The following RNF123 variants were observed in gnomAD, a reference collection of about 807,000 sequenced individuals.
RNF123 encodes ring finger protein 123.
In RNF123, 86 loss-of-function variants were observed where a neutral mutation model predicts 168.5. The ratio of observed to expected loss-of-function variants is 0.51; its 90% CI spans 0.43 to 0.61. The LOEUF (loss-of-function observed/expected upper bound fraction) is 0.61. RNF123 is among the 20% of genes least tolerant of loss of function. The probability of loss-of-function intolerance (pLI) is 0.00; values close to 1 mark genes in which losing one functional copy is unlikely to be tolerated. For synonymous variants in RNF123, 666 were observed against 689.1 expected, an observed-to-expected ratio of 0.97 and a Z score of 0.52; for missense variants, 1,419 against 1,729.7, an observed-to-expected ratio of 0.82 and a Z score of 3.19.
At position 49,702,141 on chromosome 3, in the gene RNF123, T is replaced by C. The variant is rs1464479048; in HGVS notation, c.1554T>C (p.Asn518=). 22 of 1,613,652 alleles carry C rather than the reference T, an allele frequency of 1.4e-5. No individual in the cohort carries two copies. Among genetic ancestry groups the C allele is most frequent in the Non-Finnish European group, 1.8e-5 (21 of 1,179,856 alleles). The change falls in exon 18 of 39, where the codon AAT becomes AAC. Residue 518 remains asparagine, a synonymous_variant. Transcript: ENST00000327697. ...TGCTGCTGGACAATAAAGATGACAA[T>C]GGGGTGAGTGACTCCCAGGAGCCCT... is the stretch of plus-strand genomic sequence containing the variant. ...LKLLLDNKDD[N]GGEASRYIFL...
At position 49,698,505 on chromosome 3, in the gene RNF123, G is replaced by A. The variant is rs1229455380; in HGVS notation, c.549G>A (p.Val183=). 4 of 1,613,900 alleles carry A rather than the reference G, an allele frequency of 2.5e-6. No individual in the cohort carries two copies. In the Admixed American group the frequency reaches 6.7e-5, roughly 27 times the overall value. ...GCAACCGCGTGCGCAAGTGGAATGT[G>A]ACCACAACGAATTATGGCAAGGTGA... ...YDGNRVRKWN[V]TTTNYGKAWA... Residue 183 remains valine (V), a synonymous_variant, in exon 8 of 39, where the codon GTG becomes GTA. Transcript: ENST00000327697.
rs1394296772 is a variant in RNF123, at chr3:49,703,661, A to G, written c.1852+133A>G. 33 of 652,634 alleles carry G rather than the reference A, an allele frequency of 5.1e-5. 1 individual carries two copies. In the East Asian group the frequency reaches 9.0e-4, roughly 18 times the overall value. The allele number at this position is 652,634 out of a possible 1,614,324, so 40.4% of individuals were successfully genotyped here. ...CCCAAGTCTTTCCACCCACTCAGGC[A>G]GGGAGACACTGATCTGCCTGCCCTA... On this transcript the variant is annotated intron_variant, in intron 21 of 38. Coordinates refer to ENST00000327697, the MANE Select transcript of RNF123 (RefSeq NM_022064.5).
chr3:49,707,792 G>A (rs1452017084), intron 26 of RNF123, among the ~76,000 whole-genome samples: 1 of 151,826 alleles, frequency 6.6e-6, no homozygotes, highest in Non-Finnish European at 1.5e-5. Context: ...CGTGCTTACT[G>A]CCCCATGACG....
chr3:49,702,724 C>G lies in RNF123; in HGVS notation c.1721C>G (p.Ala574Gly). ...CGCTACTATTGGGATGAATACAAGG[C>G]TTCCAATCCTCATGCTTCCTTCAGT... Reference protein sequence around the residue: ...ALRYYWDEYKASNPHASFSEE... With the variant: ...ALRYYWDEYKGSNPHASFSEE... Residue 574 changes from alanine to glycine, a missense_variant, in exon 20 of 39, where the codon GCT becomes GGT. Transcript: ENST00000327697. 2 of 1,614,252 alleles carry G rather than the reference C, an allele frequency of 1.2e-6. No homozygotes were observed. Among genetic ancestry groups the G allele is most frequent in the Non-Finnish European group, 1.7e-6 (2 of 1,180,026 alleles).
chr3:49,696,835 T>TG (rs1229724273), intron 3 of RNF123, among the ~76,000 whole-genome samples: 1 of 149,650 alleles, frequency 6.7e-6, no homozygotes, highest in African/African-American at 2.5e-5. Flanking sequence ...TTAGTAGGGA[T>TG]GGGGTTTCAC....
At chr3:49,705,302 C>A in intron 23 of RNF123, 120 bp downstream of exon 23, 1 of 1,314,492 alleles carries the variant, frequency 7.6e-7, no homozygotes, top group Non-Finnish European at 1.0e-6. Flanking sequence ...TGGCAGCATC[C>A]CAGGAGTGCA....
intron 35 of RNF123, chr3:49,717,911 G>A (rs761757158): frequency 6.3e-7 from 1 of 1,578,686 alleles, no homozygotes; most frequent in Admixed American, 1.7e-5. Context: ...AGGGCGAGCA[G>A]CAAGAGGGTG....
intron 26 of RNF123, among the ~76,000 whole-genome samples, chr3:49,710,551 A>G (rs573837149): frequency 6.6e-6 from 1 of 152,320 alleles, no homozygotes; most frequent in East Asian, 1.9e-4. Flanking sequence ...AAGTGCTGGG[A>G]TTACAGGCTT....
At position 49,705,027 on chromosome 3, in the gene RNF123, C is replaced by G. The variant is rs2054486179; in HGVS notation, c.2003C>G (p.Pro668Arg). 6.2e-7 allele frequency: 1 copy of G among 1,609,794 alleles called. No individual in the cohort carries two copies. The highest frequency in any genetic ancestry group is 8.5e-7 in the Non-Finnish European group (1 of 1,178,832). ...ALAVGGPLPL[P>R]RPGWLSSPTL... ...GCTGTTGGGGGGCCACTGCCCCTGCCCCGGCCCGGCTGGCTCAGTTCTCCA... is the reference window on the plus strand; with the variant it reads ...GCTGTTGGGGGGCCACTGCCCCTGCGCCGGCCCGGCTGGCTCAGTTCTCCA... The change falls in exon 23 of 39, where the codon CCC (proline) becomes CGC (arginine). Residue 668 changes from proline (P) to arginine (R), a missense_variant. Coordinates refer to ENST00000327697, the MANE Select transcript of RNF123 (RefSeq NM_022064.5).
chr3:49,718,334 G>A, intron 35 of RNF123: 3 of 1,613,404 alleles, frequency 1.9e-6, no homozygotes, highest in Non-Finnish European at 2.5e-6. Context: ...AAAGCCTCGG[G>A]CTCTGGGCGC....
intron 35 of RNF123, chr3:49,718,023 A>G: frequency 3.1e-6 from 5 of 1,613,664 alleles, no homozygotes; most frequent in Non-Finnish European, 4.2e-6. Context: ...GCAGGCCTCC[A>G]GGGTTGTAGA....
At position 49,698,124 on chromosome 3, in the gene RNF123, G is replaced by T. The variant is rs538967921; in HGVS notation, c.470G>T (p.Arg157Leu). Reference sequence around the variant, plus strand: ...ATCGGCTGGTGCACCATCAGCTGCCGCTTCAACCAGGAGGTACACGTTGGG... The same window carrying T: ...ATCGGCTGGTGCACCATCAGCTGCCTCTTCAACCAGGAGGTACACGTTGGG... ...MQIGWCTISC[R>L]FNQEEGVGDT... The change falls in exon 7 of 39, where the codon CGC (arginine) becomes CTC (leucine). Residue 157 changes from arginine to leucine, a missense_variant. Coordinates refer to ENST00000327697, the MANE Select transcript of RNF123 (RefSeq NM_022064.5). 3.1e-6 allele frequency: 5 copies of T among 1,613,614 alleles called. No homozygotes were observed. Among genetic ancestry groups the T allele is most frequent in the Non-Finnish European group, 4.2e-6 (5 of 1,179,888 alleles).
At chr3:49,691,635 C>T in intron 3 of RNF123, 126 bp downstream of exon 3, 4 of 843,558 alleles carry the variant, frequency 4.7e-6, no homozygotes, top group South Asian at 4.7e-5. Flanking sequence ...CACTGTGCTC[C>T]TGGCTGCGAG....
At chr3:49,718,936 AG>A (rs1483292202) in intron 35 of RNF123, 1 of 1,613,750 alleles carries the variant, frequency 6.2e-7, no homozygotes, top group Admixed American at 1.7e-5. Context: ...CAGACCGTGC[AG>A]GTGGTCGAAG....
Position 49,699,521 on chromosome 3 carries a change from T to C in RNF123, c.818T>C (p.Val273Ala), listed in dbSNP as rs1050253541. The C allele has an allele frequency of 1.6e-5, 25 of 1,611,814 alleles. No homozygotes were observed. Among genetic ancestry groups the C allele is most frequent in the Non-Finnish European group, 2.1e-5 (25 of 1,179,316 alleles). ...CAGGACCCACCGAGTGCTGACCTGG[T>C]GCGGGCACAGAGGTTGCTGGGCTGC... ...PLQDPPSADL[V>A]RAQRLLGCFR... Residue 273 changes from valine to alanine, a missense_variant, in exon 11 of 39, where the codon GTG (valine) becomes GCG (alanine). This residue lies in a region of RNF123 where 318 missense variants were observed against 446.6 expected (regional missense o/e 0.71). Transcript: ENST00000327697. The surrounding 1 kb of genome is among the most constrained non-coding windows in gnomAD (Gnocchi z 4.8).
At chr3:49,716,579 G>A in intron 35 of RNF123, 102 bp downstream of exon 35, 1 of 1,018,108 alleles carries the variant, frequency 9.8e-7, no homozygotes, top group South Asian at 1.4e-5. Flanking sequence ...TCTGGAAAAT[G>A]GACCTCAGCA....
At chr3:49,711,624 A>C (rs1357994772) in intron 26 of RNF123, among the ~76,000 whole-genome samples, 1 of 152,020 alleles carries the variant, frequency 6.6e-6, no homozygotes, top group Non-Finnish European at 1.5e-5. Context: ...GGCACATCAG[A>C]GAGCTGGTGT....
intron 24 of RNF123, 90 bp downstream of exon 24, chr3:49,705,769 C>T (rs919315788): frequency 3.2e-6 from 5 of 1,577,494 alleles, no homozygotes; most frequent in Non-Finnish European, 4.3e-6. Flanking sequence ...GCCCGCAGGG[C>T]TGCCTGTTCA....
chr3:49,706,870 C>T lies in RNF123; in HGVS notation c.2468C>T (p.Ala823Val). The change falls in exon 26 of 39, where the codon GCC becomes GTC. Residue 823 changes from alanine to valine, a missense_variant. Ala to Val is a moderately conservative substitution (Grantham distance 64). Coordinates refer to ENST00000327697, the MANE Select transcript of RNF123 (RefSeq NM_022064.5). ...CTGGACCACCTGAGCCGCCGTCTTG[C>T]CTGGGTCCATGCCACTGTCTACTCC... ...EKLDHLSRRL[A>V]WVHATVYSQE... is the part of the protein sequence containing the mutation. 6.2e-7 allele frequency: 1 copy of T among 1,614,200 alleles called. No homozygotes were observed. Among genetic ancestry groups the T allele is most frequent in the African/African-American group, 1.3e-5 (1 of 75,064 alleles).
Sources: gnomAD v4.1 joint callset for allele counts (sites outside exome capture counted in the v4.1 genomes callset) on GRCh38, gnomAD v4.1.1 for gene constraint, gnomAD v4.1.1 regional missense constraint, Gnocchi (gnomAD v3.1) non-coding constraint, MANE v1.5 for transcripts, NCBI Gene and HGNC (gene_info 2026-07-23, HGNC 2026-07-21) for gene names.